Variants in DNM3 observed in about 807,000 individuals in gnomAD.
DNM3 encodes the protein dynamin 3, also known as dynamin-3.
In DNM3, 47 loss-of-function variants were observed where a neutral mutation model predicts 101.6. The observed-to-expected ratio is 0.46, with a 90% CI of 0.37 to 0.59. DNM3 has a LOEUF of 0.59. Among genes scored for constraint, DNM3 ranks in the 20% least tolerant of loss-of-function variants. The pLI is 0.00. For synonymous variants in DNM3, 385 were observed against 387.9 expected, an observed-to-expected ratio of 0.99 and a Z score of 0.09; for missense variants, 849 against 1,085.7, an observed-to-expected ratio of 0.78 and a Z score of 3.06.
chr1:172,201,872 A>G (rs2060166435), intron 14 of DNM3, among the ~76,000 whole-genome samples: 1 of 152,120 alleles, frequency 6.6e-6, no homozygotes, highest in South Asian at 2.1e-4. Context: ...CAGTCTGTCT[A>G]CTTTTCTATA....
intron 14 of DNM3, among the ~76,000 whole-genome samples, chr1:172,214,479 ATACATATG>A (rs1411387834): frequency 1.3e-5 from 2 of 151,526 alleles, no homozygotes; most frequent in Non-Finnish European, 2.9e-5. Flanking sequence ...ATACATATAC[ATACATATG>A]TACATATATA....
chr1:172,007,684 T>G (rs1288367014), intron 4 of DNM3, among the ~76,000 whole-genome samples: 3 of 152,124 alleles, frequency 2.0e-5, no homozygotes, highest in Non-Finnish European at 2.9e-5. Flanking sequence ...CATAATCACA[T>G]TAGACTTTGC....
intron 18 of DNM3, chr1:172,380,939 C>A (rs1270798298): frequency 4.7e-5 from 7 of 150,384 alleles, no homozygotes; most frequent in African/African-American, 1.7e-4. Flanking sequence ...GCACTTCCTG[C>A]CTATAGCTGT....
At chr1:171,945,476 T>C (rs1253369653) in intron 2 of DNM3, among the ~76,000 whole-genome samples, 1 of 152,282 alleles carries the variant, frequency 6.6e-6, no homozygotes, top group African/African-American at 2.4e-5. Flanking sequence ...GTTATTGAAG[T>C]CAACTTCTTA....
intron 9 of DNM3, among the ~76,000 whole-genome samples, chr1:172,047,878 C>T (rs1029589742): frequency 6.6e-6 from 1 of 152,064 alleles, no homozygotes; most frequent in Admixed American, 6.6e-5. Flanking sequence ...AGCCTGCCAG[C>T]CTTCAGTCAT....
At chr1:172,227,611 A>G (rs916594866) in intron 14 of DNM3, among the ~76,000 whole-genome samples, 1 of 152,086 alleles carries the variant, frequency 6.6e-6, no homozygotes, top group East Asian at 1.9e-4. Context: ...TGACTTTTTA[A>G]TAATGGCCAT....
At chr1:171,934,396 A>C (rs771603606) in intron 2 of DNM3, among the ~76,000 whole-genome samples, 4 of 152,156 alleles carry the variant, frequency 2.6e-5, no homozygotes, top group Admixed American at 6.5e-5. Context: ...AATTTATGTT[A>C]TTTGCATTTC....
intron 15 of DNM3, among the ~76,000 whole-genome samples, chr1:172,263,119 A>G (rs2062729094): frequency 6.6e-6 from 1 of 152,232 alleles, no homozygotes; most frequent in Non-Finnish European, 1.5e-5. Flanking sequence ...CATTATCAAT[A>G]GATTGTAGAA....
In DNM3 at chr1:171,975,301, A is replaced by T. The variant is rs569884132; in HGVS notation, c.236-12355A>T. ...TTTTAGTTTTATATAACCAATTGTC[A>T]TATGTCCAAGAATTTCCATGATATT... is the stretch of plus-strand genomic sequence containing the variant. On this transcript the variant is annotated intron_variant, in intron 2 of 20. Coordinates refer to ENST00000627582, the MANE Select transcript of DNM3 (RefSeq NM_015569.5). Among the ~76,000 whole-genome samples, 34 of 152,322 alleles carry T rather than the reference A, an allele frequency of 2.2e-4. No homozygotes were observed. The South Asian group carries it at 6.8e-3, about 31-fold the overall frequency.
At position 172,042,148 on chromosome 1, in the gene DNM3, T is replaced by G; in HGVS notation, c.1128+4T>G. 6.3e-7 allele frequency: 1 copy of G among 1,587,292 alleles called. No homozygotes were observed. The highest frequency in any genetic ancestry group is 8.5e-7 in the Non-Finnish European group (1 of 1,172,710). On this transcript the variant is annotated splice_donor_region_variant and intron_variant, in intron 8 of 20. Coordinates refer to ENST00000627582, the MANE Select transcript of DNM3 (RefSeq NM_015569.5). ...CTTTCCTTTTGAGATAGTAAAGGTTTGTGTCAAACGTTATTTTTTTCTTAG... is the reference window on the plus strand; with the variant it reads ...CTTTCCTTTTGAGATAGTAAAGGTTGGTGTCAAACGTTATTTTTTTCTTAG...
chr1:171,958,492 G>A (rs1449530282), intron 2 of DNM3, among the ~76,000 whole-genome samples: 1 of 152,232 alleles, frequency 6.6e-6, no homozygotes, highest in Non-Finnish European at 1.5e-5. Flanking sequence ...GAAACACTGT[G>A]AGGTTGCTGG....
At chr1:172,086,035 G>C (rs992112220) in intron 12 of DNM3, among the ~76,000 whole-genome samples, 12 of 152,108 alleles carry the variant, frequency 7.9e-5, no homozygotes, top group Admixed American at 7.9e-4. Context: ...AACTTGAAAG[G>C]ATACCATTCA....
chr1:171,858,445 C>T (rs985624685), intron 1 of DNM3, among the ~76,000 whole-genome samples: 32 of 152,094 alleles, frequency 2.1e-4, no homozygotes, highest in African/African-American at 6.8e-4. Flanking sequence ...CGATAACCAT[C>T]ACACAACTCT....
At chr1:171,855,567 C>G (rs1272725421) in intron 1 of DNM3, among the ~76,000 whole-genome samples, 1 of 152,162 alleles carries the variant, frequency 6.6e-6, no homozygotes, top group African/African-American at 2.4e-5. Flanking sequence ...ATATAATAGC[C>G]ATGCTGACTG....
chr1:172,049,871 T>A (rs2050083988), intron 10 of DNM3, among the ~76,000 whole-genome samples: 1 of 152,068 alleles, frequency 6.6e-6, no homozygotes, highest in Non-Finnish European at 1.5e-5. Flanking sequence ...AAAGAACAGA[T>A]GTACATAGTA....
At chr1:172,373,888 A>G (rs1453746634) in intron 17 of DNM3, among the ~76,000 whole-genome samples, 1 of 152,116 alleles carries the variant, frequency 6.6e-6, no homozygotes, top group Non-Finnish European at 1.5e-5. Flanking sequence ...GTATATTTTT[A>G]TCATCTTCAC....
At chr1:172,032,367 C>T in intron 4 of DNM3, 35 bp from the exon 5 acceptor site, 1 of 1,508,660 alleles carries the variant, frequency 6.6e-7, no homozygotes, top group Non-Finnish European at 9.2e-7. Flanking sequence ...TAGTCTTCTG[C>T]AAATTGTGTA....
chr1:172,225,824 T>G lies in DNM3; in HGVS notation c.1660-27749T>G, dbSNP rs182589417. Among the ~76,000 whole-genome samples, 53 of 151,870 alleles carry G rather than the reference T, an allele frequency of 3.5e-4. No individual in the cohort carries two copies. In the East Asian group the frequency reaches 9.3e-3, roughly 27 times the overall value. ...AAAACCTCTTTTAAACATCTGTCTT[T>G]CAATGAAAATGCATGAATTATATAT... On this transcript the variant is annotated intron_variant, in intron 14 of 20. Transcript: ENST00000627582.
At chr1:172,144,430 T>G (rs767777303) in intron 14 of DNM3, 26 of 271,324 alleles carry the variant, frequency 9.6e-5, no homozygotes, top group Non-Finnish European at 1.9e-4. Context: ...GTCCCTAGTG[T>G]GCAAAACCTG....
Sources: allele counts gnomAD v4.1 joint callset (sites outside exome capture counted in the v4.1 genomes callset), GRCh38; gene constraint gnomAD v4.1.1; transcripts MANE v1.5; gene names NCBI Gene and HGNC (gene_info 2026-07-23, HGNC 2026-07-21).